ADGRB3: variants seen among roughly 807,000 people sequenced by gnomAD.
ADGRB3 encodes the protein adhesion G protein-coupled receptor B3, also known as brain-specific angiogenesis inhibitor 3.
Under a neutral mutation model 193.4 loss-of-function variants are expected in ADGRB3, and 37 were observed. The observed-to-expected ratio is 0.19, with a 90% CI of 0.15 to 0.25. The LOEUF (loss-of-function observed/expected upper bound fraction) is 0.25. ADGRB3 is among the 10% of genes least tolerant of loss of function. The pLI, the probability that ADGRB3 is intolerant of heterozygous loss-of-function variation, is 1.00. For missense variants in ADGRB3, 1,637 were observed against 1,852.9 expected (o/e 0.88, Z 2.14); for synonymous variants, 690 against 644.2 (o/e 1.07, Z -1.08).
At chr6:68,708,137 G>T (rs1765356022) in intron 3 of ADGRB3, among the ~76,000 whole-genome samples, 1 of 152,114 alleles carries the variant, frequency 6.6e-6, no homozygotes, top group Non-Finnish European at 1.5e-5. Flanking sequence ...TTGTATTTGA[G>T]CCAGGGCTGA....
chr6:69,243,135 G>A (rs1336301951), intron 20 of ADGRB3, among the ~76,000 whole-genome samples: 2 of 151,610 alleles, frequency 1.3e-5, no homozygotes, highest in Non-Finnish European at 2.9e-5. Flanking sequence ...TGGTTTTTTG[G>A]TTAGATAAGG....
At chr6:68,850,254 C>T (rs2127390612) in intron 3 of ADGRB3, among the ~76,000 whole-genome samples, 1 of 151,848 alleles carries the variant, frequency 6.6e-6, no homozygotes, top group East Asian at 1.9e-4. Context: ...ATACTTGATG[C>T]TCAAGCTTTT....
rs140857745 is a variant in ADGRB3 at position 69,245,882 on chromosome 6, A to G, written c.2814+6656A>G. On this transcript the variant is annotated intron_variant, in intron 20 of 31. Coordinates refer to ENST00000370598, the MANE Select transcript of ADGRB3 (RefSeq NM_001704.3). ...TAAATCTCTTGCAAGCACATTGTCTATGTATAGTAAGTAAATAATAAGTAT... is the reference window on the plus strand; with the variant it reads ...TAAATCTCTTGCAAGCACATTGTCTGTGTATAGTAAGTAAATAATAAGTAT... Among the ~76,000 whole-genome samples, 451 of 152,292 alleles carry G rather than the reference A, an allele frequency of 3.0e-3. 1 individual carries two copies. The highest frequency in any genetic ancestry group is 0.01 in the African/African-American group (424 of 41,566).
intron 17 of ADGRB3, among the ~76,000 whole-genome samples, chr6:69,100,942 G>A (rs1256323931): frequency 5.0e-4 from 2 of 3,992 alleles, no homozygotes; most frequent in African/African-American, 2.0e-3. Flanking sequence ...GGGAGGGAAG[G>A]AAGGAAAGGA....
At chr6:68,712,585 G>T (rs1339893518) in intron 3 of ADGRB3, among the ~76,000 whole-genome samples, 1 of 151,886 alleles carries the variant, frequency 6.6e-6, no homozygotes, top group South Asian at 2.1e-4. Context: ...AGAAAAAAAT[G>T]TAGAAATATA....
chr6:69,109,946 ATTTTTTTT>A (rs33959992), intron 17 of ADGRB3, among the ~76,000 whole-genome samples: 1 of 129,646 alleles, frequency 7.7e-6, no homozygotes, highest in African/African-American at 2.9e-5. Context: ...GCCTTCTTTA[ATTTTTTTT>A]TTTTTTTTTT....
intron 17 of ADGRB3, among the ~76,000 whole-genome samples, chr6:69,093,669 G>C (rs1014502069): frequency 2.6e-5 from 4 of 151,510 alleles, no homozygotes; most frequent in Non-Finnish European, 4.4e-5. Context: ...GGCAGCCTGG[G>C]TTCGGGGGGA....
chr6:69,114,406 T>C (rs931656615), intron 17 of ADGRB3, among the ~76,000 whole-genome samples: 1 of 152,236 alleles, frequency 6.6e-6, no homozygotes, highest in Non-Finnish European at 1.5e-5. Context: ...TTCTGGATGT[T>C]AGTCCTTTGT....
intron 3 of ADGRB3, among the ~76,000 whole-genome samples, chr6:68,778,155 C>T (rs1440335543): frequency 6.6e-6 from 1 of 152,076 alleles, no homozygotes; most frequent in Non-Finnish European, 1.5e-5. Context: ...ATGACATTGT[C>T]TTGGAGCAGA....
At chr6:69,014,778 A>G (rs1770040158) in intron 12 of ADGRB3, among the ~76,000 whole-genome samples, 2 of 152,048 alleles carry the variant, frequency 1.3e-5, no homozygotes, top group South Asian at 4.1e-4. Flanking sequence ...ATGTAAATTT[A>G]GTTTAACTGG....
At chr6:69,257,132 A>G (rs893988454) in intron 20 of ADGRB3, among the ~76,000 whole-genome samples, 1 of 152,080 alleles carries the variant, frequency 6.6e-6, no homozygotes, top group Non-Finnish European at 1.5e-5. Flanking sequence ...TTTTTGCATC[A>G]ATGTTCATCA....
intron 17 of ADGRB3, among the ~76,000 whole-genome samples, chr6:69,221,864 G>A (rs41421345): frequency 0.14 from 21,515 of 151,878 alleles, 1,584 homozygotes; most frequent in Middle Eastern, 0.16. Context: ...TCTTCCCTTC[G>A]GTAGCATATA....
chr6:69,042,303 C>T (rs1222870153), intron 13 of ADGRB3, among the ~76,000 whole-genome samples: 2 of 152,084 alleles, frequency 1.3e-5, no homozygotes, highest in African/African-American at 2.4e-5. Context: ...ACTAAGATAT[C>T]GTGTGTAAAG....
intron 3 of ADGRB3, among the ~76,000 whole-genome samples, chr6:68,913,981 G>A (rs1019080262): frequency 2.0e-5 from 3 of 150,804 alleles, no homozygotes; most frequent in African/African-American, 7.3e-5. Flanking sequence ...AGCGAGAAGG[G>A]AAGTTTAGAG....
chr6:68,960,008 A>G (rs1768187653), intron 8 of ADGRB3, among the ~76,000 whole-genome samples: 1 of 152,122 alleles, frequency 6.6e-6, no homozygotes, highest in Non-Finnish European at 1.5e-5. Flanking sequence ...TCACCCCAAT[A>G]TTCCCCTGGT....
At chr6:68,999,358 G>A (rs1010913422) in intron 11 of ADGRB3, among the ~76,000 whole-genome samples, 5 of 150,292 alleles carry the variant, frequency 3.3e-5, no homozygotes, top group Admixed American at 6.7e-5. Context: ...TCTGCCTCCC[G>A]GGTTCACGCC....
intron 13 of ADGRB3, among the ~76,000 whole-genome samples, chr6:69,045,369 T>C (rs1283015689): frequency 1.3e-5 from 2 of 152,172 alleles, no homozygotes; most frequent in Non-Finnish European, 2.9e-5. Flanking sequence ...AAATTTCATA[T>C]TTGTAAAAAC....
intron 17 of ADGRB3, among the ~76,000 whole-genome samples, chr6:69,199,312 A>T (rs960830813): frequency 1.4e-4 from 22 of 152,274 alleles, no homozygotes; most frequent in African/African-American, 4.8e-4. Flanking sequence ...TGCAGACTCT[A>T]TAAGCAGACT....
In ADGRB3 at chr6:69,372,446, GT is replaced by G; in HGVS notation, c.4275+8del. 7.5e-7 allele frequency: 1 copy of G among 1,326,126 alleles called. No homozygotes were observed. The highest frequency in any genetic ancestry group is 1.0e-6 in the Non-Finnish European group (1 of 969,802). 82.1% of individuals were successfully genotyped at this position (1,326,126 alleles called of 1,614,324 possible). On this transcript the variant is annotated splice_donor_region_variant and intron_variant, in intron 30 of 31. Coordinates refer to ENST00000370598, the MANE Select transcript of ADGRB3 (RefSeq NM_001704.3). Reference sequence around the variant, plus strand: ...TATTCAGACCTTGACTTTGAGGTAAGTTTATATGAATTATTTTAGAATTGTA... The same window carrying G: ...TATTCAGACCTTGACTTTGAGGTAAGTTATATGAATTATTTTAGAATTGTA...
Sources: gnomAD v4.1 joint callset for allele counts (sites outside exome capture counted in the v4.1 genomes callset) on GRCh38, gnomAD v4.1.1 for gene constraint, MANE v1.5 for transcripts, NCBI Gene and HGNC (gene_info 2026-07-23, HGNC 2026-07-21) for gene names.